The following FBXL20 variants were observed in gnomAD, a reference collection of about 807,000 sequenced individuals.
The protein encoded by FBXL20 is F-box/LRR-repeat protein 20.
FBXL20 carries 11 observed loss-of-function variants against 64.0 expected under a neutral mutation model. The observed-to-expected ratio is 0.17, with a 90% CI of 0.11 to 0.28. FBXL20 has a LOEUF of 0.28. FBXL20 is among the 10% of genes least tolerant of loss of function. FBXL20 has a pLI of 1.00. For synonymous variants in FBXL20, 184 were observed against 189.0 expected, an observed-to-expected ratio of 0.97 and a Z score of 0.22; for missense variants, 303 against 526.2, an observed-to-expected ratio of 0.58 and a Z score of 4.15.
At position 39,278,310 on chromosome 17, in the gene FBXL20, T is replaced by A. The variant is rs1206716647; in HGVS notation, c.696+3079A>T. On this transcript the variant is annotated intron_variant, in intron 9 of 14. Coordinates refer to ENST00000264658, the MANE Select transcript of FBXL20 (RefSeq NM_032875.3). ...ACAGGCACACACCACCACACTTAGA[T>A]GGTTTTTGTATTTTTAGTAGAGATG... is the stretch of plus-strand genomic sequence containing the variant. Among the ~76,000 whole-genome samples the A allele has an allele frequency of 7.9e-5, 12 of 151,464 alleles. No individual in the cohort carries two copies. The South Asian group carries it at 2.5e-3, about 32-fold the overall frequency.
intron 1 of FBXL20, among the ~76,000 whole-genome samples, chr17:39,355,366 C>T (rs1453761810): frequency 1.3e-5 from 2 of 152,048 alleles, no homozygotes; most frequent in Non-Finnish European, 2.9e-5. Context: ...GCATGAGCCA[C>T]GACACCTGGC....
chr17:39,401,289 C>T, intron 1 of FBXL20, 72 bp downstream of exon 1: 1 of 1,608,504 alleles, frequency 6.2e-7, no homozygotes, highest in Non-Finnish European at 8.5e-7. Flanking sequence ...AGGCTCCGTG[C>T]GGAGCGGACG....
chr17:39,389,104 CAAAAAA>C (rs752930971), intron 1 of FBXL20, among the ~76,000 whole-genome samples: 15 of 52,704 alleles, frequency 2.8e-4, no homozygotes, highest in African/African-American at 9.4e-4. Context: ...AACTCCATCT[CAAAAAA>C]AAAAAAAAAA....
intron 4 of FBXL20, 41 bp from the exon 5 acceptor site, chr17:39,299,125 A>T (rs1463041771): frequency 7.3e-7 from 1 of 1,373,506 alleles, no homozygotes; most frequent in Admixed American, 1.9e-5. Flanking sequence ...AACCCACCTC[A>T]TTACTTTAGA....
chr17:39,320,101 ATT>A (rs1456086956), intron 2 of FBXL20, among the ~76,000 whole-genome samples: 2 of 152,138 alleles, frequency 1.3e-5, no homozygotes, highest in South Asian at 2.1e-4. Flanking sequence ...GTACACACAG[ATT>A]TTGTTTCTTA....
intron 9 of FBXL20, among the ~76,000 whole-genome samples, chr17:39,277,582 G>A (rs879550071): frequency 4.0e-5 from 6 of 151,672 alleles, no homozygotes; most frequent in Non-Finnish European, 7.4e-5. Flanking sequence ...GCGAAACCCC[G>A]TTTCTACTAA....
chr17:39,288,351 G>A (rs1174230661), intron 6 of FBXL20, among the ~76,000 whole-genome samples: 1 of 152,014 alleles, frequency 6.6e-6, no homozygotes, highest in Non-Finnish European at 1.5e-5. Flanking sequence ...ATTTTTGTTC[G>A]TTTAATTGTC....
intron 1 of FBXL20, among the ~76,000 whole-genome samples, chr17:39,400,350 T>G (rs2048229470): frequency 6.6e-6 from 1 of 151,976 alleles, no homozygotes; most frequent in Non-Finnish European, 1.5e-5. Context: ...AGTTGTCGAG[T>G]TTCTTAAACT....
At chr17:39,291,709 A>C (rs2047041215) in intron 6 of FBXL20, among the ~76,000 whole-genome samples, 1 of 152,180 alleles carries the variant, frequency 6.6e-6, no homozygotes, top group African/African-American at 2.4e-5. Flanking sequence ...TACTGGGATT[A>C]CAGGTGTGAG....
intron 2 of FBXL20, among the ~76,000 whole-genome samples, chr17:39,324,805 A>G (rs759593700): frequency 1.3e-5 from 2 of 152,208 alleles, no homozygotes; most frequent in Admixed American, 6.5e-5. Context: ...TACAAATTCT[A>G]ATCTCCAGAT....
At chr17:39,282,586 A>C (rs2046957672) in intron 8 of FBXL20, 143 bp downstream of exon 8, 2 of 1,117,264 alleles carry the variant, frequency 1.8e-6, no homozygotes, top group African/African-American at 3.1e-5. Context: ...AAAACACTTT[A>C]ATTTTTGGTA....
rs550996155 is a variant in FBXL20, at chr17:39,256,371, A to G, written c.*5089T>C. On this transcript the variant is annotated 3_prime_UTR_variant, in exon 15 of 15. Coordinates refer to ENST00000264658, the MANE Select transcript of FBXL20 (RefSeq NM_032875.3). Reference sequence around the variant, plus strand: ...ATAGGCGAGGAAAGGCTGTGACTCCATTTTTCCCCATTATCCTTTTACTGC... The same window carrying G: ...ATAGGCGAGGAAAGGCTGTGACTCCGTTTTTCCCCATTATCCTTTTACTGC... 60 of 151,200 alleles carry G rather than the reference A, an allele frequency of 4.0e-4. 1 individual carries two copies. The highest frequency in any genetic ancestry group is 1.7e-3 in the South Asian group (8 of 4,786). The allele number at this position is 151,200 out of a possible 1,614,324, so 9.4% of individuals were successfully genotyped here.
chr17:39,295,561 T>C (rs1410961476), intron 6 of FBXL20, among the ~76,000 whole-genome samples: 1 of 152,124 alleles, frequency 6.6e-6, no homozygotes, highest in East Asian at 1.9e-4. Context: ...GGCTGGTTCA[T>C]GTGTTTTTAA....
chr17:39,378,528 G>C lies in FBXL20; in HGVS notation c.42+22833C>G, dbSNP rs888799851. On this transcript the variant is annotated intron_variant, in intron 1 of 14. Coordinates refer to ENST00000264658, the MANE Select transcript of FBXL20 (RefSeq NM_032875.3). Reference sequence around the variant, plus strand: ...GACAAAGCCAACAGGCACACAAAAAGATGGTCAACATCATTCATTAGACAA... The same window carrying C: ...GACAAAGCCAACAGGCACACAAAAACATGGTCAACATCATTCATTAGACAA... Among the ~76,000 whole-genome samples, 14 of 152,042 alleles carry C rather than the reference G, an allele frequency of 9.2e-5. 1 individual carries two copies. Among genetic ancestry groups the C allele is most frequent in the Admixed American group, 4.6e-4 (7 of 15,242 alleles).
chr17:39,315,868 A>AGAGAGAGAGAGAGC (rs368094288), intron 2 of FBXL20, among the ~76,000 whole-genome samples: 37 of 144,590 alleles, frequency 2.6e-4, no homozygotes, highest in Middle Eastern at 3.5e-3. Flanking sequence ...AGAGAGAGAG[A>AGAGAGAGAGAGAGC]GAGCAACTGT....
chr17:39,318,847 AAAG>A (rs756829077), intron 2 of FBXL20, among the ~76,000 whole-genome samples: 117 of 152,332 alleles, frequency 7.7e-4, no homozygotes, highest in Non-Finnish European at 1.3e-3. Context: ...ACTCCCTAAA[AAAG>A]AAGCTCATAG....
intron 1 of FBXL20, among the ~76,000 whole-genome samples, chr17:39,371,455 C>G (rs2047917769): frequency 6.6e-6 from 1 of 151,974 alleles, no homozygotes; most frequent in Admixed American, 6.6e-5. Context: ...TGGCTGCAGG[C>G]ATTCTACAGC....
intron 1 of FBXL20, among the ~76,000 whole-genome samples, chr17:39,382,556 G>C (rs2048035099): frequency 6.6e-6 from 1 of 152,132 alleles, no homozygotes; most frequent in South Asian, 2.1e-4. Context: ...GGAAAGCCTG[G>C]GCAAAGTGGC....
chr17:39,269,497 CTCT>C (rs1333126443), intron 11 of FBXL20, among the ~76,000 whole-genome samples: 16 of 124,222 alleles, frequency 1.3e-4, no homozygotes, highest in African/African-American at 2.3e-4. Context: ...CCGGCCTTTC[CTCT>C]TTTTTTTTTT....
Sources: allele counts gnomAD v4.1 joint callset (sites outside exome capture counted in the v4.1 genomes callset), GRCh38; gene constraint gnomAD v4.1.1; transcripts MANE v1.5; gene names NCBI Gene and HGNC (gene_info 2026-07-23, HGNC 2026-07-21).